The following PARK7 variants were observed in gnomAD, a reference collection of about 807,000 sequenced individuals.
The protein encoded by PARK7 is Parkinson disease protein 7.
A neutral mutation model predicts 20.5 loss-of-function variants in PARK7; 14 were observed. The observed-to-expected ratio is 0.68, with a 90% CI of 0.45 to 1.07. The LOEUF (loss-of-function observed/expected upper bound fraction) is 1.07. PARK7 is among the 50% of genes least tolerant of loss of function. The probability of loss-of-function intolerance (pLI) is 0.00; values close to 1 mark genes in which losing one functional copy is unlikely to be tolerated. For missense variants in PARK7, 234 were observed against 238.1 expected (o/e 0.98, Z 0.11); for synonymous variants, 98 against 84.3 (o/e 1.16, Z -0.89).
chr1:7,969,628 TGGA>T (rs1022134651), intron 4 of PARK7, among the ~76,000 whole-genome samples: 6 of 152,074 alleles, frequency 3.9e-5, no homozygotes, highest in African/African-American at 1.4e-4. Context: ...TGGCCCAGGC[TGGA>T]GTGCAGTGGC....
chr1:7,965,441 A>G lies in PARK7; in HGVS notation c.192+16A>G, dbSNP rs753629958. Reference sequence around the variant, plus strand: ...AAAAAAAGAGGTTTGTAATCCATACATGGAGTTATTCCTTCATATGGCTTC... The same window carrying G: ...AAAAAAAGAGGTTTGTAATCCATACGTGGAGTTATTCCTTCATATGGCTTC... On this transcript the variant is annotated intron_variant, in intron 3 of 6. Transcript: ENST00000338639. The G allele has an allele frequency of 1.9e-6, 3 of 1,603,466 alleles. No individual in the cohort carries two copies. The highest frequency in any genetic ancestry group is 2.6e-6 in the Non-Finnish European group (3 of 1,170,292).
At chr1:7,965,461 G>A in intron 3 of PARK7, 36 bp downstream of exon 3, 1 of 1,559,776 alleles carries the variant, frequency 6.4e-7, no homozygotes, top group Non-Finnish European at 8.8e-7. Context: ...TCCTTCATAT[G>A]GCTTCTTTGT....
At chr1:7,974,540 A>C (rs1345787878) in intron 5 of PARK7, among the ~76,000 whole-genome samples, 2 of 151,846 alleles carry the variant, frequency 1.3e-5, no homozygotes, top group Admixed American at 1.3e-4. Flanking sequence ...GAGGCAGGAG[A>C]ATGGTGTGAA....
At position 7,969,404 on chromosome 1, in the gene PARK7, G is replaced by A. The variant is rs749774196; in HGVS notation, c.252G>A (p.Glu84=). 4.0e-6 allele frequency: 6 copies of A among 1,494,432 alleles called. No homozygotes were observed. The South Asian group carries it at 4.5e-5, about 11-fold the overall frequency. 92.6% of individuals were successfully genotyped at this position (1,494,432 alleles called of 1,614,324 possible). The change falls in exon 4 of 7, where the codon GAG becomes GAA. Residue 84 remains glutamate, a splice_region_variant and synonymous_variant. Coordinates refer to ENST00000338639, the MANE Select transcript of PARK7 (RefSeq NM_007262.5). The stretch of plus-strand genomic sequence containing the variant: ...ATCTGGGCGCACAGAATTTATCTGA[G>A]GTAAAAAATTCTACTCAATTATACC... The part of the protein sequence containing the change: ...GGNLGAQNLS[E]SAAVKEILKE...
At chr1:7,964,762 G>C (rs1276341346) in intron 2 of PARK7, among the ~76,000 whole-genome samples, 2 of 152,148 alleles carry the variant, frequency 1.3e-5, no homozygotes, top group African/African-American at 4.8e-5. Context: ...ATTTTTGAAA[G>C]ATAAAGCAGT....
chr1:7,984,970 C>T lies in PARK7; in HGVS notation c.486C>T (p.Phe162=), dbSNP rs777440876. The T allele has an allele frequency of 3.3e-5, 54 of 1,614,174 alleles. No individual in the cohort carries two copies. The highest frequency in any genetic ancestry group is 1.8e-4 in the South Asian group (16 of 91,084). The change falls in exon 7 of 7, where the codon TTC becomes TTT. Residue 162 remains phenylalanine, a synonymous_variant. Transcript: ENST00000338639. This position sits in a 1 kb window ranked among gnomAD's most constrained non-coding sequence, Gnocchi z 4.3. The part of the protein sequence containing the change: ...ILTSRGPGTS[F]EFALAIVEAL... ...CAAGCCGGGGGCCTGGGACCAGCTT[C>T]GAGTTTGCGCTTGCAATTGTTGAAG...
chr1:7,975,173 G>A (rs1640552298), intron 5 of PARK7, among the ~76,000 whole-genome samples: 1 of 152,158 alleles, frequency 6.6e-6, no homozygotes, highest in African/African-American at 2.4e-5. Context: ...CTGAAGTGTT[G>A]CAGTTAGGGA....
At chr1:7,978,089 C>T (rs759753485) in intron 6 of PARK7, among the ~76,000 whole-genome samples, 3 of 146,416 alleles carry the variant, frequency 2.0e-5, no homozygotes, top group Non-Finnish European at 3.0e-5. Flanking sequence ...TTCCGCCTCC[C>T]GGGTTCAAGT....
chr1:7,965,100 G>C (rs1640296462), intron 2 of PARK7, among the ~76,000 whole-genome samples: 1 of 152,144 alleles, frequency 6.6e-6, no homozygotes, highest in South Asian at 2.1e-4. Flanking sequence ...ACTCTAGCTG[G>C]GTGTGGTGGC....
chr1:7,984,861 T>C lies in PARK7; in HGVS notation c.410-33T>C, dbSNP rs1179465632. 3 of 1,613,428 alleles carry C rather than the reference T, an allele frequency of 1.9e-6. No homozygotes were observed. The highest frequency in any genetic ancestry group is 1.1e-5 in the South Asian group (1 of 91,050). ...TCGTCTTTCTCGTCACATAGCCCAT[T>C]AGGATGTCACCTTTTCTGTTTCTAC... On this transcript the variant is annotated intron_variant, in intron 6 of 6. Coordinates refer to ENST00000338639, the MANE Select transcript of PARK7 (RefSeq NM_007262.5). This position sits in a 1 kb window ranked among gnomAD's most constrained non-coding sequence, Gnocchi z 4.3.
At chr1:7,963,007 A>T (rs1640242067) in intron 2 of PARK7, 132 bp downstream of exon 2, 2 of 760,762 alleles carry the variant, frequency 2.6e-6, no homozygotes, top group Admixed American at 4.0e-5. Context: ...ATGACATAAG[A>T]ATAAATACCT....
rs12076033 is a variant in PARK7 at position 7,984,733 on chromosome 1, G to A, written c.410-161G>A. The A allele has an allele frequency of 6.6e-3, 5,302 of 800,622 alleles. 192 individuals carry two copies. The African/African-American group carries it at 0.079, about 12-fold the overall frequency. 49.6% of individuals were successfully genotyped at this position (800,622 alleles called of 1,614,324 possible). A position where few individuals can be genotyped will look rare whatever the true frequency, so the allele number is the denominator to read the frequency against. ...TCTGCACAGTTTTAAAAATACCTTT[G>A]TAGGGGGCTTCTAAGAGCTTGGAGT... On this transcript the variant is annotated intron_variant, in intron 6 of 6. Transcript: ENST00000338639. The surrounding 1 kb of genome is among the most constrained non-coding windows in gnomAD (Gnocchi z 4.3).
rs753629958 is a variant in PARK7 at position 7,965,441 on chromosome 1, A to C, written c.192+16A>C. On this transcript the variant is annotated intron_variant, in intron 3 of 6. Coordinates refer to ENST00000338639, the MANE Select transcript of PARK7 (RefSeq NM_007262.5). ...AAAAAAAGAGGTTTGTAATCCATACATGGAGTTATTCCTTCATATGGCTTC... is the reference window on the plus strand; with the variant it reads ...AAAAAAAGAGGTTTGTAATCCATACCTGGAGTTATTCCTTCATATGGCTTC... 3 of 1,603,466 alleles carry C rather than the reference A, an allele frequency of 1.9e-6. No individual in the cohort carries two copies. Among genetic ancestry groups the C allele is most frequent in the Non-Finnish European group, 2.6e-6 (3 of 1,170,292 alleles).
In PARK7 at chr1:7,973,922, AAAAT is replaced by A. The variant is rs199806593; in HGVS notation, c.322+2960_322+2963del. ...GACTTCGTTTCAAAAAAAAAAAAAA[AAAAT>A]CAACCACATTTGGCTTACTGTTTTG... On this transcript the variant is annotated intron_variant, in intron 5 of 6. Transcript: ENST00000338639. 5.3e-5 allele frequency among the ~76,000 whole-genome samples: 8 copies of A among 150,018 alleles called. No individual in the cohort carries two copies. In the East Asian group the frequency reaches 9.5e-4, roughly 18 times the overall value.
At chr1:7,970,121 G>A (rs1316865267) in intron 4 of PARK7, among the ~76,000 whole-genome samples, 1 of 152,146 alleles carries the variant, frequency 6.6e-6, no homozygotes, top group Non-Finnish European at 1.5e-5. Flanking sequence ...CTTGAGGCCA[G>A]GGATTTGAGG....
intron 3 of PARK7, among the ~76,000 whole-genome samples, chr1:7,965,968 G>A (rs897995704): frequency 5.3e-5 from 8 of 152,018 alleles, no homozygotes; most frequent in Middle Eastern, 3.2e-3. Context: ...TGCCATGCCC[G>A]GCCATTATTT....
chr1:7,978,285 C>T (rs987207684), intron 6 of PARK7, among the ~76,000 whole-genome samples: 8 of 151,778 alleles, frequency 5.3e-5, no homozygotes, highest in African/African-American at 1.2e-4. Flanking sequence ...CATGAGCCAC[C>T]GCGCCCAGTC....
At chr1:7,963,345 G>C (rs1046509905) in intron 2 of PARK7, among the ~76,000 whole-genome samples, 1 of 151,320 alleles carries the variant, frequency 6.6e-6, no homozygotes, top group African/African-American at 2.4e-5. Flanking sequence ...GACTACAGGC[G>C]TGAGCCACTG....
chr1:7,977,402 G>A (rs1260172907), intron 5 of PARK7, among the ~76,000 whole-genome samples: 4 of 152,166 alleles, frequency 2.6e-5, no homozygotes, highest in African/African-American at 9.7e-5. Flanking sequence ...TTTCAGAATC[G>A]TAGCTGTATG....
Sources: allele counts gnomAD v4.1 joint callset (sites outside exome capture counted in the v4.1 genomes callset), GRCh38; gene constraint gnomAD v4.1.1; non-coding constraint Gnocchi (gnomAD v3.1); transcripts MANE v1.5; gene names NCBI Gene and HGNC (gene_info 2026-07-23, HGNC 2026-07-21).